Variants in MBNL1 observed in about 807,000 individuals in gnomAD.
MBNL1 encodes muscleblind like splicing regulator 1.
A neutral mutation model predicts 42.2 loss-of-function variants in MBNL1; 8 were observed. The observed-to-expected ratio is 0.19, with a 90% CI of 0.11 to 0.34. The LOEUF (loss-of-function observed/expected upper bound fraction) is 0.34, where lower values mean the gene tolerates loss of function less well. Ranked by LOEUF, MBNL1 falls within the 10% of genes least tolerant of loss-of-function variation. The pLI, the probability that MBNL1 is intolerant of heterozygous loss-of-function variation, is 1.00. For synonymous variants in MBNL1, 169 were observed against 173.9 expected (o/e 0.97, Z 0.22); for missense variants, 309 against 495.3 (o/e 0.62, Z 3.57).
intron 3 of MBNL1, among the ~76,000 whole-genome samples, chr3:152,427,597 A>G (rs542749160): frequency 2.6e-5 from 4 of 152,234 alleles, no homozygotes; most frequent in South Asian, 4.1e-4. Flanking sequence ...GAATTTGTTG[A>G]TAACTCCTGT....
At chr3:152,267,756 T>C (rs1308582532), upstream of MBNL1, 1 of 152,216 alleles carries the variant, frequency 6.6e-6, no homozygotes, top group Non-Finnish European at 1.5e-5. Context: ...AAGTCGGCTA[T>C]TAGTGCCTCT....
chr3:152,319,532 T>C (rs2074849394), intron 2 of MBNL1, among the ~76,000 whole-genome samples: 1 of 151,654 alleles, frequency 6.6e-6, no homozygotes, highest in South Asian at 2.1e-4. Flanking sequence ...AGATGAAAAC[T>C]GCTATTAAGG....
At chr3:152,458,210 T>C (rs781019167) in intron 8 of MBNL1, 2 of 1,612,336 alleles carry the variant, frequency 1.2e-6, no homozygotes, top group Non-Finnish European at 1.7e-6. Context: ...GAAGCTTCAT[T>C]ATGCTTGGAG....
At chr3:152,334,282 A>G (rs2087717467) in intron 2 of MBNL1, among the ~76,000 whole-genome samples, 1 of 152,186 alleles carries the variant, frequency 6.6e-6, no homozygotes. Flanking sequence ...ATAACCTGTT[A>G]TTTTACTTAT....
chr3:152,367,201 C>G (rs1242373939), intron 2 of MBNL1, among the ~76,000 whole-genome samples: 2 of 151,212 alleles, frequency 1.3e-5, no homozygotes, highest in Non-Finnish European at 2.9e-5. Context: ...TGACAGACCC[C>G]AGAGTGTAAT....
chr3:152,263,858 C>G (rs2036729462), upstream of MBNL1: 1 of 152,034 alleles, frequency 6.6e-6, no homozygotes, highest in East Asian at 1.9e-4. Flanking sequence ...CATTTTTTCC[C>G]TCTTCCTTGA....
At chr3:152,304,726 C>T (rs567764418) in intron 2 of MBNL1, among the ~76,000 whole-genome samples, 2 of 152,286 alleles carry the variant, frequency 1.3e-5, no homozygotes, top group East Asian at 3.9e-4. Context: ...GGAGAAACTT[C>T]ACAACTTTGT....
At chr3:152,374,645 C>T (rs1246087341) in intron 2 of MBNL1, among the ~76,000 whole-genome samples, 1 of 152,178 alleles carries the variant, frequency 6.6e-6, no homozygotes, top group Non-Finnish European at 1.5e-5. Context: ...TGAAGTCACA[C>T]TTATTAAATA....
At chr3:152,327,132 C>T (rs2080886215) in intron 2 of MBNL1, among the ~76,000 whole-genome samples, 2 of 151,904 alleles carry the variant, frequency 1.3e-5, no homozygotes, top group South Asian at 2.1e-4. Context: ...AATTGCTTCT[C>T]CTAATTTTTT....
At chr3:152,319,620 T>TG (rs1474792838) in intron 2 of MBNL1, among the ~76,000 whole-genome samples, 3 of 65,206 alleles carry the variant, frequency 4.6e-5, no homozygotes, top group Admixed American at 3.3e-4. Flanking sequence ...TACTGTTTTT[T>TG]TTTTTTTTTT....
chr3:152,419,537 G>A (rs2098763375), intron 3 of MBNL1, among the ~76,000 whole-genome samples: 1 of 152,172 alleles, frequency 6.6e-6, no homozygotes, highest in African/African-American at 2.4e-5. Flanking sequence ...GGATGGTGCT[G>A]TCCAGCCCAG....
chr3:152,320,517 T>C (rs2075803391), intron 2 of MBNL1, among the ~76,000 whole-genome samples: 1 of 152,162 alleles, frequency 6.6e-6, no homozygotes, highest in Admixed American at 6.6e-5. Context: ...TAAATTGGCC[T>C]GTGCAGTGAC....
chr3:152,357,463 CT>C (rs1434869022), intron 2 of MBNL1, among the ~76,000 whole-genome samples: 4 of 152,124 alleles, frequency 2.6e-5, no homozygotes, highest in Non-Finnish European at 4.4e-5. Flanking sequence ...TTTTCTCATG[CT>C]TTCTTAGTAC....
At chr3:152,335,339 G>A (rs1187359947) in intron 2 of MBNL1, 24 of 1,059,286 alleles carry the variant, frequency 2.3e-5, no homozygotes, top group Non-Finnish European at 2.8e-5. Context: ...TTGGTATTCT[G>A]TACATTAGAA....
chr3:152,393,793 T>C (rs985709484), intron 2 of MBNL1, among the ~76,000 whole-genome samples: 2 of 152,218 alleles, frequency 1.3e-5, no homozygotes, highest in Non-Finnish European at 2.9e-5. Flanking sequence ...TGTTCCCCTT[T>C]CCTGTGCGTG....
At chr3:152,273,084 G>A (rs1356802666) in intron 1 of MBNL1, among the ~76,000 whole-genome samples, 1 of 152,102 alleles carries the variant, frequency 6.6e-6, no homozygotes, top group Non-Finnish European at 1.5e-5. Context: ...ATGAGGCATA[G>A]CTTCCATTAG....
At chr3:152,378,853 A>G (rs942950284) in intron 2 of MBNL1, among the ~76,000 whole-genome samples, 1 of 152,126 alleles carries the variant, frequency 6.6e-6, no homozygotes, top group African/African-American at 2.4e-5. Context: ...AGTACCTGCA[A>G]CTACAGGCAC....
chr3:152,445,882 C>T (rs181116853), intron 5 of MBNL1, among the ~76,000 whole-genome samples: 118 of 152,240 alleles, frequency 7.8e-4, no homozygotes, highest in Non-Finnish European at 1.4e-3. Context: ...ATCTAATCAG[C>T]CATTGTTTTC....
chr3:152,413,075 G>A (rs2098627180), intron 2 of MBNL1, among the ~76,000 whole-genome samples: 1 of 151,988 alleles, frequency 6.6e-6, no homozygotes, highest in African/African-American at 2.4e-5. Flanking sequence ...ATTTATTTTT[G>A]CCAGTCCTAC....
Sources: allele counts gnomAD v4.1 joint callset (sites outside exome capture counted in the v4.1 genomes callset), GRCh38; gene constraint gnomAD v4.1.1; transcripts MANE v1.5; gene names NCBI Gene and HGNC (gene_info 2026-07-23, HGNC 2026-07-21).